Variants in RIMS2 observed in about 807,000 individuals in gnomAD.
The protein encoded by RIMS2 is regulating synaptic membrane exocytosis 2.
Under a neutral mutation model 174.4 loss-of-function variants are expected in RIMS2, and 59 were observed. The ratio of observed to expected loss-of-function variants is 0.34; its 90% CI spans 0.27 to 0.42. RIMS2 has a LOEUF of 0.42. Among genes scored for constraint, RIMS2 ranks in the 10% least tolerant of loss-of-function variants. The probability of loss-of-function intolerance (pLI) is 1.00; values close to 1 mark genes in which losing one functional copy is unlikely to be tolerated. For synonymous variants in RIMS2, 606 were observed against 572.5 expected, an observed-to-expected ratio of 1.06 and a Z score of -0.84; for missense variants, 1,620 against 1,666.3, an observed-to-expected ratio of 0.97 and a Z score of 0.48.
intron 19 of RIMS2, 54 bp downstream of exon 24, chr8:104,093,697 G>GC: frequency 7.3e-7 from 1 of 1,361,038 alleles, no homozygotes. Context: ...AGGTCTTTAT[G>GC]TTTCCCGGAT....
At chr8:104,025,929 C>A (rs1043372632) in intron 19 of RIMS2, among the ~76,000 whole-genome samples, 9 of 152,084 alleles carry the variant, frequency 5.9e-5, no homozygotes, top group East Asian at 1.9e-4. Context: ...AGTCTAGGAG[C>A]AATAAGCTAT....
intron 19 of RIMS2, among the ~76,000 whole-genome samples, chr8:104,074,070 A>G (rs1345219210): frequency 6.6e-6 from 1 of 152,244 alleles, no homozygotes; most frequent in Non-Finnish European, 1.5e-5. Flanking sequence ...CTGAGAAGAC[A>G]TATTCAGTGC....
rs182557757 is a variant in RIMS2 at position 103,954,002 on chromosome 8, A to G, written c.2702-7063A>G. ...TAAACCAACAAAGATCAAAAGAGACAAAGAAGGCCATTACATAATGGTAAA... is the reference window on the plus strand; with the variant it reads ...TAAACCAACAAAGATCAAAAGAGACGAAGAAGGCCATTACATAATGGTAAA... On this transcript the variant is annotated intron_variant, in intron 14 of 23. Transcript: ENST00000504942. Among the ~76,000 whole-genome samples, 738 of 152,322 alleles carry G rather than the reference A, an allele frequency of 4.8e-3. 9 individuals carry two copies. The highest frequency in any genetic ancestry group is 0.016 in the African/African-American group (682 of 41,564).
rs193079598 is a variant in RIMS2 at position 104,249,647 on chromosome 8, G to C, written c.3691+59G>C. On this transcript the variant is annotated intron_variant, in intron 22 of 23. Transcript: ENST00000504942. ...ATAATCCATATTGTTTCAATTTAGA[G>C]ACCTTTTGATTGGTTTAGACCTTTG... is the stretch of plus-strand genomic sequence containing the variant. 3.7e-4 allele frequency: 366 copies of C among 995,166 alleles called. No individual in the cohort carries two copies. The African/African-American group carries it at 5.3e-3, about 15-fold the overall frequency. The allele number at this position is 995,166 out of a possible 1,614,324, so 61.6% of individuals were successfully genotyped here. A position where few individuals can be genotyped will look rare whatever the true frequency, so the allele number is the denominator to read the frequency against.
intron 3 of RIMS2, among the ~76,000 whole-genome samples, chr8:103,792,188 A>G (rs2098505567): frequency 6.6e-6 from 1 of 152,322 alleles, no homozygotes; most frequent in Non-Finnish European, 1.5e-5. Context: ...ACTCCTCAGC[A>G]AATGTAAAAC....
intron 16 of RIMS2, among the ~76,000 whole-genome samples, chr8:103,983,125 A>G (rs1037649892): frequency 6.6e-6 from 1 of 152,240 alleles, no homozygotes; most frequent in African/African-American, 2.4e-5. Context: ...AAAGAAATCA[A>G]GAAAGTAATT....
chr8:104,012,816 C>T, intron 17 of RIMS2, among the ~76,000 whole-genome samples: 1 of 152,012 alleles, frequency 6.6e-6, no homozygotes, highest in African/African-American at 2.4e-5. Context: ...CAATTAATAC[C>T]CACTCTGAAT....
intron 19 of RIMS2, among the ~76,000 whole-genome samples, chr8:104,235,700 G>T (rs905366258): frequency 6.6e-6 from 1 of 151,778 alleles, no homozygotes; most frequent in African/African-American, 2.4e-5. Flanking sequence ...CATACACGTG[G>T]TATGTATTTT....
At chr8:103,539,895 A>G (rs1841721725) in intron 1 of RIMS2, among the ~76,000 whole-genome samples, 1 of 152,218 alleles carries the variant, frequency 6.6e-6, no homozygotes, top group Non-Finnish European at 1.5e-5. Flanking sequence ...GTTAATTTGC[A>G]TACTGGGCCT....
At chr8:103,777,493 C>T (rs2098331127) in intron 3 of RIMS2, among the ~76,000 whole-genome samples, 1 of 151,826 alleles carries the variant, frequency 6.6e-6, no homozygotes, top group African/African-American at 2.4e-5. Context: ...TATTGAAAAT[C>T]AGTACATTAT....
chr8:103,956,959 A>G (rs1025877514), intron 14 of RIMS2, among the ~76,000 whole-genome samples: 1 of 152,188 alleles, frequency 6.6e-6, no homozygotes, highest in Non-Finnish European at 1.5e-5. Flanking sequence ...ACAGACACTT[A>G]TCAAAAGAAT....
At chr8:103,684,238 C>T (rs1266854973) in intron 1 of RIMS2, among the ~76,000 whole-genome samples, 2 of 152,104 alleles carry the variant, frequency 1.3e-5, no homozygotes, top group Non-Finnish European at 2.9e-5. Flanking sequence ...CCCTGGCAAC[C>T]ATTAATCTGA....
At chr8:103,759,496 C>T (rs1284801343) in intron 2 of RIMS2, among the ~76,000 whole-genome samples, 7 of 132,470 alleles carry the variant, frequency 5.3e-5, no homozygotes, top group Admixed American at 8.9e-5. Context: ...ACCTGGGAGG[C>T]GGAGCTTGCA....
chr8:103,548,923 C>T (rs148096098), intron 1 of RIMS2, among the ~76,000 whole-genome samples: 70 of 151,952 alleles, frequency 4.6e-4, no homozygotes, highest in African/African-American at 1.6e-3. Flanking sequence ...TTCAGAGTAA[C>T]CACAAAAAGA....
chr8:103,616,968 G>T (rs1334815689), intron 1 of RIMS2, among the ~76,000 whole-genome samples: 1 of 152,058 alleles, frequency 6.6e-6, no homozygotes, highest in Non-Finnish European at 1.5e-5. Flanking sequence ...TATTAATTTG[G>T]TGCTATTCTT....
At position 103,938,212 on chromosome 8, in the gene RIMS2, G is replaced by A. The variant is rs549868925; in HGVS notation, c.2547+1490G>A. ...CTCACTTTCAGCTTTTTTCAGTGTG[G>A]TTGGTATATTAATTCATTTTCACGC... On this transcript the variant is annotated intron_variant, in intron 13 of 23. Transcript: ENST00000504942. Among the ~76,000 whole-genome samples, 4 of 152,232 alleles carry A rather than the reference G, an allele frequency of 2.6e-5. No homozygotes were observed. The South Asian group carries it at 8.3e-4, about 32-fold the overall frequency.
chr8:104,179,692 C>G (rs987510111), intron 19 of RIMS2, among the ~76,000 whole-genome samples: 5 of 151,562 alleles, frequency 3.3e-5, no homozygotes, highest in Non-Finnish European at 7.4e-5. Flanking sequence ...TGAATATACA[C>G]CTATTTATAA....
At chr8:103,589,742 T>C (rs948450465) in intron 1 of RIMS2, among the ~76,000 whole-genome samples, 3 of 151,496 alleles carry the variant, frequency 2.0e-5, no homozygotes, top group Non-Finnish European at 3.0e-5. Context: ...TGGAATACTA[T>C]TGAGTCATAA....
chr8:104,130,915 G>A (rs554375570), intron 19 of RIMS2, among the ~76,000 whole-genome samples: 2 of 152,118 alleles, frequency 1.3e-5, no homozygotes, highest in African/African-American at 2.4e-5. Flanking sequence ...ACTACATATA[G>A]TGATGTATTT....
Sources: allele counts gnomAD v4.1 joint callset (sites outside exome capture counted in the v4.1 genomes callset), GRCh38; gene constraint gnomAD v4.1.1; transcripts MANE v1.5; gene names NCBI Gene and HGNC (gene_info 2026-07-23, HGNC 2026-07-21).